Variants in SNTG1 observed in about 807,000 individuals in gnomAD.
SNTG1 encodes syntrophin gamma 1.
In SNTG1, 39 loss-of-function variants were observed where a neutral mutation model predicts 74.7. The observed-to-expected ratio is 0.52, with a 90% CI of 0.40 to 0.68. The LOEUF (loss-of-function observed/expected upper bound fraction) is 0.68. Among genes scored for constraint, SNTG1 ranks in the 30% least tolerant of loss-of-function variants. The probability of loss-of-function intolerance (pLI) is 0.00; values close to 1 mark genes in which losing one functional copy is unlikely to be tolerated. For missense variants in SNTG1, 685 were observed against 609.5 expected, an observed-to-expected ratio of 1.12 and a Z score of -1.30; for synonymous variants, 254 against 217.1, an observed-to-expected ratio of 1.17 and a Z score of -1.49.
intron 8 of SNTG1, among the ~76,000 whole-genome samples, chr8:50,493,522 C>G (rs1476384995): frequency 6.6e-6 from 1 of 152,028 alleles, no homozygotes; most frequent in Non-Finnish European, 1.5e-5. Flanking sequence ...ATGCAGGAGA[C>G]TTCTGTATTT....
At chr8:50,268,477 A>C (rs1003535516) in intron 2 of SNTG1, among the ~76,000 whole-genome samples, 4 of 152,144 alleles carry the variant, frequency 2.6e-5, no homozygotes, top group African/African-American at 7.2e-5. Context: ...AGCCAAGACA[A>C]TCATGAACAA....
At chr8:50,327,422 T>C (rs1268301539) in intron 2 of SNTG1, among the ~76,000 whole-genome samples, 3 of 152,152 alleles carry the variant, frequency 2.0e-5, no homozygotes, top group South Asian at 4.1e-4. Flanking sequence ...AGTACTTTAC[T>C]CCTGTTACTT....
chr8:49,929,583 C>T (rs1163627093), intron 1 of SNTG1, among the ~76,000 whole-genome samples: 1 of 152,206 alleles, frequency 6.6e-6, no homozygotes, highest in African/African-American at 2.4e-5. Context: ...GGGGCTGCCC[C>T]CCTCCCATCC....
Position 50,551,522 on chromosome 8 carries a change from G to C in SNTG1, c.681-1528G>C, listed in dbSNP as rs146399427. On this transcript the variant is annotated intron_variant, in intron 11 of 18. Coordinates refer to ENST00000642720, the MANE Select transcript of SNTG1 (RefSeq NM_018967.5). ...ATGAAGCAATGGTTATAACCAGAGA[G>C]CAGAAAGAAATATGTATTACTAAAC... 1.6e-4 allele frequency among the ~76,000 whole-genome samples: 25 copies of C among 152,218 alleles called. No homozygotes were observed. In the East Asian group the frequency reaches 4.8e-3, roughly 29 times the overall value.
At chr8:50,409,453 C>T (rs1181156818) in intron 4 of SNTG1, among the ~76,000 whole-genome samples, 1 of 152,180 alleles carries the variant, frequency 6.6e-6, no homozygotes, top group East Asian at 1.9e-4. Context: ...CATCTGTGAT[C>T]ATTTAAAAAT....
intron 17 of SNTG1, among the ~76,000 whole-genome samples, chr8:50,722,940 A>G (rs1472712499): frequency 6.6e-6 from 1 of 152,226 alleles, no homozygotes; most frequent in Non-Finnish European, 1.5e-5. Flanking sequence ...TCTTAAATCC[A>G]TTAACACTAT....
intron 9 of SNTG1, among the ~76,000 whole-genome samples, chr8:50,506,904 G>T (rs1020907505): frequency 6.6e-6 from 1 of 152,000 alleles, no homozygotes; most frequent in Non-Finnish European, 1.5e-5. Flanking sequence ...TAGAGGGAAA[G>T]CTTTCAGTTT....
At chr8:50,343,627 T>A (rs893689026) in intron 2 of SNTG1, among the ~76,000 whole-genome samples, 2 of 152,164 alleles carry the variant, frequency 1.3e-5, no homozygotes, top group African/African-American at 4.8e-5. Flanking sequence ...TTTGGAAAGA[T>A]AAGATTTGGG....
chr8:50,746,822 A>G (rs1188039607), intron 17 of SNTG1, among the ~76,000 whole-genome samples: 1 of 147,858 alleles, frequency 6.8e-6, no homozygotes, highest in East Asian at 2.0e-4. Flanking sequence ...GCATATACAT[A>G]TTGTAAATAT....
intron 13 of SNTG1, among the ~76,000 whole-genome samples, chr8:50,636,124 G>C (rs1055615088): frequency 2.6e-5 from 4 of 151,362 alleles, no homozygotes; most frequent in Non-Finnish European, 5.9e-5. Context: ...TCTGCCTGAG[G>C]TGACTACTAT....
At chr8:50,542,230 C>T (rs114331985) in intron 11 of SNTG1, among the ~76,000 whole-genome samples, 5,689 of 148,664 alleles carry the variant, frequency 0.038, 125 homozygotes, top group Middle Eastern at 0.12. Flanking sequence ...GTTCATGGCT[C>T]ACTGCAACCT....
intron 1 of SNTG1, among the ~76,000 whole-genome samples, chr8:50,086,888 G>A (rs203615): frequency 0.87 from 131,938 of 152,178 alleles, 57,333 homozygotes; most frequent in East Asian, 0.99. Flanking sequence ...CTTGTAGGCA[G>A]CTGCAGCAGT....
intron 18 of SNTG1, among the ~76,000 whole-genome samples, chr8:50,772,004 G>T (rs1057361319): frequency 6.6e-6 from 1 of 152,096 alleles, no homozygotes; most frequent in Non-Finnish European, 1.5e-5. Flanking sequence ...CCCAGGCAGA[G>T]ACTTGTCACA....
chr8:50,691,592 C>T (rs1271727415), intron 15 of SNTG1, among the ~76,000 whole-genome samples: 1 of 152,192 alleles, frequency 6.6e-6, no homozygotes, highest in Admixed American at 6.5e-5. Context: ...TCTCTTCTGG[C>T]TTGTAGAGTT....
chr8:50,774,857 A>G (rs922735682), intron 18 of SNTG1, among the ~76,000 whole-genome samples: 2 of 151,544 alleles, frequency 1.3e-5, no homozygotes, highest in Non-Finnish European at 3.0e-5. Context: ...TTTGAGCACT[A>G]TTGACGTTGT....
chr8:50,375,927 A>C (rs1479409436), intron 2 of SNTG1, among the ~76,000 whole-genome samples: 3 of 152,170 alleles, frequency 2.0e-5, no homozygotes, highest in African/African-American at 7.2e-5. Context: ...TGACAAGAAA[A>C]AGGAAAAGGA....
rs746427708 is a variant in SNTG1 at position 50,122,448 on chromosome 8, C to G, written c.-102-50113C>G. On this transcript the variant is annotated intron_variant, in intron 1 of 18. Transcript: ENST00000642720. Reference sequence around the variant, plus strand: ...GGAAGAGGGCAGGCTGAGCACTGCACAAGAAGTAGGTCAAAAAAAAGCTGT... The same window carrying G: ...GGAAGAGGGCAGGCTGAGCACTGCAGAAGAAGTAGGTCAAAAAAAAGCTGT... 1.4e-5 allele frequency among the ~76,000 whole-genome samples: 2 copies of G among 140,942 alleles called. 1 individual carries two copies. The highest frequency in any genetic ancestry group is 1.5e-4 in the Admixed American group (2 of 13,650). 92.5% of individuals were successfully genotyped at this position (140,942 alleles called of 152,430 possible). A position where few individuals can be genotyped will look rare whatever the true frequency, so the allele number is the denominator to read the frequency against.
chr8:50,108,654 C>G (rs1160424928), intron 1 of SNTG1, among the ~76,000 whole-genome samples: 1 of 152,134 alleles, frequency 6.6e-6, no homozygotes, highest in African/African-American at 2.4e-5. Flanking sequence ...TTGTGATTTT[C>G]TTGAACCTAA....
At chr8:50,603,554 A>G (rs1226070558) in intron 13 of SNTG1, among the ~76,000 whole-genome samples, 3 of 151,978 alleles carry the variant, frequency 2.0e-5, no homozygotes, top group Non-Finnish European at 4.4e-5. Flanking sequence ...GTTTTCCTGG[A>G]TAGTCTTGAT....
Sources: gnomAD v4.1 joint callset for allele counts (sites outside exome capture counted in the v4.1 genomes callset) on GRCh38, gnomAD v4.1.1 for gene constraint, MANE v1.5 for transcripts, NCBI Gene and HGNC (gene_info 2026-07-23, HGNC 2026-07-21) for gene names.